The following PPARD variants were observed in gnomAD, a reference collection of about 807,000 sequenced individuals.
PPARD encodes the protein peroxisome proliferator activated receptor delta.
PPARD carries 6 observed loss-of-function variants against 39.5 expected under a neutral mutation model. The ratio of observed to expected loss-of-function variants is 0.15; its 90% confidence interval spans 0.08 to 0.30. PPARD has a LOEUF of 0.30. Ranked by LOEUF, PPARD falls within the 10% of genes least tolerant of loss-of-function variation. PPARD has a pLI of 1.00. For missense variants in PPARD, 397 were observed against 596.8 expected, an observed-to-expected ratio of 0.67 and a Z score of 3.49; for synonymous variants, 210 against 231.3, an observed-to-expected ratio of 0.91 and a Z score of 0.83.
At position 35,411,203 on chromosome 6, in the gene PPARD, C is replaced by T; in HGVS notation, c.116C>T (p.Ser39Phe). ...LNGGPQHALP[S>F]SSYTDLSRSS... is the part of the protein sequence containing the mutation. ...GGGGGACCACAGCATGCACTTCCTT[C>T]CAGCAGCTACACAGGTGAGGAGAGG... The change falls in exon 3 of 8, where the codon TCC (serine) becomes TTC (phenylalanine). Residue 39 changes from serine (S) to phenylalanine (F), a missense_variant. Physicochemically the swap from Ser to Phe is radical, Grantham distance 155. Transcript: ENST00000360694. The T allele has an allele frequency of 6.5e-7, 1 of 1,541,814 alleles. No homozygotes were observed. Among genetic ancestry groups the T allele is most frequent in the Non-Finnish European group, 8.8e-7 (1 of 1,142,130 alleles).
chr6:35,408,643 C>T (rs1017062916), intron 2 of PPARD, among the ~76,000 whole-genome samples: 2 of 152,184 alleles, frequency 1.3e-5, no homozygotes, highest in Non-Finnish European at 2.9e-5. Flanking sequence ...GGAGACCATG[C>T]GAGTGGGCAG....
At chr6:35,419,341 A>G (rs1765990575) in intron 3 of PPARD, among the ~76,000 whole-genome samples, 2 of 152,186 alleles carry the variant, frequency 1.3e-5, no homozygotes, top group Admixed American at 6.5e-5. Context: ...TCCAAAGGGC[A>G]CTGGGAAGAG....
intron 2 of PPARD, among the ~76,000 whole-genome samples, chr6:35,400,183 G>A (rs771049120): frequency 5.3e-5 from 8 of 152,116 alleles, no homozygotes; most frequent in African/African-American, 1.9e-4. Flanking sequence ...GCAATTGCAC[G>A]TCCCATTTCT....
At chr6:35,419,594 C>A (rs1562222973) in intron 3 of PPARD, among the ~76,000 whole-genome samples, 1 of 152,166 alleles carries the variant, frequency 6.6e-6, no homozygotes, top group Non-Finnish European at 1.5e-5. Context: ...TTTACAGCAT[C>A]CCTGGAGTCT....
In PPARD at chr6:35,424,850, G is replaced by A; in HGVS notation, c.1078+71G>A. On this transcript the variant is annotated intron_variant, in intron 7 of 7. Transcript: ENST00000360694. The surrounding 1 kb of genome is among the most constrained non-coding windows in gnomAD (Gnocchi z 7.1). ...TCCTGGGGGTTGGCCCTCACTGCAG[G>A]GCACTGTGCCTGAGCTCTGACAGTG... is the stretch of plus-strand genomic sequence containing the variant. The A allele has an allele frequency of 1.3e-6, 2 of 1,557,934 alleles. No individual in the cohort carries two copies. Among genetic ancestry groups the A allele is most frequent in the Non-Finnish European group, 1.7e-6 (2 of 1,153,808 alleles).
intron 2 of PPARD, among the ~76,000 whole-genome samples, chr6:35,395,182 C>T (rs1214989394): frequency 6.6e-6 from 1 of 152,140 alleles, no homozygotes; most frequent in Non-Finnish European, 1.5e-5. Context: ...AGGAAAGCCC[C>T]TGATTGACTT....
chr6:35,424,355 A>G lies in PPARD; in HGVS notation c.654A>G (p.Thr218=). 1.2e-6 allele frequency: 2 copies of G among 1,612,528 alleles called. No homozygotes were observed. The highest frequency in any genetic ancestry group is 1.7e-6 in the Non-Finnish European group (2 of 1,178,608). ...TAPFVIHDIE[T]LWQAEKGLVW... ...CCTTTGTGATCCACGACATCGAGAC[A>G]TTGTGGCAGGCAGAGAAGGGGCTGG... Residue 218 remains threonine (T), a synonymous_variant, in exon 7 of 8, where the codon ACA becomes ACG. Transcript: ENST00000360694. The surrounding 1 kb of genome is among the most constrained non-coding windows in gnomAD (Gnocchi z 7.1).
intron 2 of PPARD, among the ~76,000 whole-genome samples, chr6:35,362,250 T>A (rs1285978852): frequency 6.6e-6 from 1 of 152,124 alleles, no homozygotes; most frequent in Non-Finnish European, 1.5e-5. Flanking sequence ...TCCTCCGACC[T>A]CCTCTCCCAT....
intron 2 of PPARD, among the ~76,000 whole-genome samples, chr6:35,377,467 T>C (rs1762874098): frequency 6.6e-6 from 1 of 152,198 alleles, no homozygotes; most frequent in Non-Finnish European, 1.5e-5. Flanking sequence ...ACTTAGCTCT[T>C]AAATTTTACA....
At chr6:35,356,425 TCTA>T (rs1002305406) in intron 2 of PPARD, among the ~76,000 whole-genome samples, 1 of 152,204 alleles carries the variant, frequency 6.6e-6, no homozygotes, top group African/African-American at 2.4e-5. Flanking sequence ...TCCAGAGCTC[TCTA>T]CTCATTACCC....
intron 2 of PPARD, among the ~76,000 whole-genome samples, chr6:35,384,211 G>A (rs1483436184): frequency 7.0e-6 from 1 of 141,934 alleles, no homozygotes; most frequent in Non-Finnish European, 1.5e-5. Context: ...CCGGGAGGGA[G>A]GTGGGGGGGT....
At position 35,412,603 on chromosome 6, in the gene PPARD, T is replaced by C. The variant is rs1765502727; in HGVS notation, c.130+1386T>C. 6.6e-6 allele frequency among the ~76,000 whole-genome samples: 1 copy of C among 152,204 alleles called. No homozygotes were observed. The highest frequency in any genetic ancestry group is 1.9e-4 in the East Asian group (1 of 5,196). On this transcript the variant is annotated intron_variant, in intron 3 of 7. Transcript: ENST00000360694. This position sits in a 1 kb window ranked among gnomAD's most constrained non-coding sequence, Gnocchi z 4.1. ...TCCTGGAGCCACACCACCTTGAACC[T>C]GCAAAGCAAGTCCCAGAATTTTGCA...
intron 2 of PPARD, among the ~76,000 whole-genome samples, chr6:35,390,380 A>G (rs993764024): frequency 3.3e-5 from 5 of 152,230 alleles, no homozygotes; most frequent in Non-Finnish European, 7.3e-5. Flanking sequence ...AAACAGTCCC[A>G]TAAATGATAT....
chr6:35,373,058 G>A (rs946362612), intron 2 of PPARD, among the ~76,000 whole-genome samples: 1 of 152,212 alleles, frequency 6.6e-6, no homozygotes, highest in African/African-American at 2.4e-5. Context: ...GTGTCCTCCA[G>A]AGGGGATGAA....
rs200767985 is a variant in PPARD at position 35,426,174 on chromosome 6, G to T, written c.*95G>T. 1.3e-6 allele frequency: 2 copies of T among 1,502,284 alleles called. No homozygotes were observed. The highest frequency in any genetic ancestry group is 2.0e-5 in the Admixed American group (1 of 50,576). The allele number at this position is 1,502,284 out of a possible 1,614,324, so 93.1% of individuals were successfully genotyped here. A position where few individuals can be genotyped will look rare whatever the true frequency, so the allele number is the denominator to read the frequency against. On this transcript the variant is annotated 3_prime_UTR_variant, in exon 8 of 8. Transcript: ENST00000360694. ...TCCATTGACCAGCCCTTGAGCACCC[G>T]GCCTGGAGCAGCAGAGTCCCACGAT...
chr6:35,360,469 A>G (rs1026203855), intron 2 of PPARD, among the ~76,000 whole-genome samples: 6 of 152,204 alleles, frequency 3.9e-5, no homozygotes, highest in Non-Finnish European at 5.9e-5. Context: ...TTTTACAGAC[A>G]AGGTGTAGGA....
chr6:35,380,468 T>TTTTTG (rs1763079432), intron 2 of PPARD, among the ~76,000 whole-genome samples: 1 of 94,880 alleles, frequency 1.1e-5, no homozygotes, highest in African/African-American at 1.2e-4. Flanking sequence ...TGTTTTTTTT[T>TTTTTG]TTTGTTTGTT....
intron 2 of PPARD, among the ~76,000 whole-genome samples, chr6:35,389,805 G>C (rs1362329131): frequency 6.6e-6 from 1 of 152,194 alleles, no homozygotes; most frequent in Non-Finnish European, 1.5e-5. Flanking sequence ...AAAGAGCTAT[G>C]CCTGGGAAAA....
chr6:35,381,390 A>G (rs1189281858), intron 2 of PPARD, among the ~76,000 whole-genome samples: 2 of 152,196 alleles, frequency 1.3e-5, no homozygotes, highest in Non-Finnish European at 2.9e-5. Context: ...TAGGAATTCT[A>G]TTTGGCAGCT....
Sources: allele counts gnomAD v4.1 joint callset (sites outside exome capture counted in the v4.1 genomes callset), GRCh38; gene constraint gnomAD v4.1.1; non-coding constraint Gnocchi (gnomAD v3.1); transcripts MANE v1.5; gene names NCBI Gene and HGNC (gene_info 2026-07-23, HGNC 2026-07-21).